Variants in ZRANB3 observed in about 807,000 individuals in gnomAD.
The protein encoded by ZRANB3 is DNA annealing helicase and endonuclease ZRANB3.
In ZRANB3, 125 loss-of-function variants were observed where a neutral mutation model predicts 133.8. The observed-to-expected ratio is 0.93, with a 90% CI of 0.81 to 1.08. ZRANB3 has a LOEUF of 1.08. Among genes scored for constraint, ZRANB3 ranks in the 50% least tolerant of loss-of-function variants. The pLI is 0.00. For missense variants in ZRANB3, 1,229 were observed against 1,275.5 expected, an observed-to-expected ratio of 0.96 and a Z score of 0.56; for synonymous variants, 387 against 432.7, an observed-to-expected ratio of 0.89 and a Z score of 1.31.
intron 2 of ZRANB3, among the ~76,000 whole-genome samples, chr2:135,417,614 T>C (rs1433358652): frequency 1.3e-5 from 2 of 152,220 alleles, no homozygotes; most frequent in South Asian, 2.1e-4. Flanking sequence ...TTACTGGGCA[T>C]ATACCCAAAG....
intron 20 of ZRANB3, among the ~76,000 whole-genome samples, chr2:135,201,215 A>C (rs1164016535): frequency 6.6e-6 from 1 of 152,204 alleles, no homozygotes; most frequent in East Asian, 1.9e-4. Context: ...AATTACAGAA[A>C]GGGCTGCATT....
intron 8 of ZRANB3, among the ~76,000 whole-genome samples, chr2:135,288,873 CGTGTGTGTGTGTGTGTGT>C (rs57200280): frequency 5.7e-5 from 8 of 141,296 alleles, no homozygotes; most frequent in Non-Finnish European, 9.4e-5. Context: ...CTTCATTTAT[CGTGTGTGTGTGTGTGTGT>C]GTGTGTGTGT....
At chr2:135,275,562 G>A in intron 9 of ZRANB3, 74 bp downstream of exon 9, 1 of 1,268,030 alleles carries the variant, frequency 7.9e-7, no homozygotes, top group Non-Finnish European at 1.0e-6. Flanking sequence ...CCTCAACTAT[G>A]AGACTACAAC....
At chr2:135,254,659 A>G (rs1679564139) in intron 12 of ZRANB3, among the ~76,000 whole-genome samples, 1 of 152,174 alleles carries the variant, frequency 6.6e-6, no homozygotes, top group South Asian at 2.1e-4. Context: ...TAATCCATAT[A>G]CCATAAAATT....
intron 2 of ZRANB3, among the ~76,000 whole-genome samples, chr2:135,462,229 C>G (rs1324509107): frequency 1.3e-5 from 2 of 152,182 alleles, no homozygotes; most frequent in African/African-American, 4.8e-5. Flanking sequence ...CACAACAAAT[C>G]TATCAGCTTA....
chr2:135,222,889 C>T (rs1694610851), intron 15 of ZRANB3, among the ~76,000 whole-genome samples: 1 of 150,838 alleles, frequency 6.6e-6, no homozygotes, highest in Non-Finnish European at 1.5e-5. Context: ...GGCGGGCGGA[C>T]TGTTTGAACC....
In ZRANB3 at chr2:135,509,078, A is replaced by G. The variant is rs116024893; in HGVS notation, c.-7-4582T>C. ...TTCTTCCAGAAATATTTTAATAAACATTGACCATTTCCAAGAAACACCCAC... is the reference window on the plus strand; with the variant it reads ...TTCTTCCAGAAATATTTTAATAAACGTTGACCATTTCCAAGAAACACCCAC... On this transcript the variant is annotated intron_variant, in intron 1 of 20. Transcript: ENST00000264159. Among the ~76,000 whole-genome samples, 1,486 of 152,244 alleles carry G rather than the reference A, an allele frequency of 9.8e-3. 23 individuals are homozygous for G. The highest frequency in any genetic ancestry group is 0.034 in the African/African-American group (1,417 of 41,564).
intron 6 of ZRANB3, among the ~76,000 whole-genome samples, chr2:135,342,718 G>T (rs183056847): frequency 6.7e-6 from 1 of 149,406 alleles, no homozygotes; most frequent in Non-Finnish European, 1.5e-5. Context: ...GTACAGGTAA[G>T]CTGTGGTAAT....
rs556006831 is a variant in ZRANB3, at chr2:135,234,207, A to G, written c.1540-3280T>C. ...CAAAAGAGACAAAGAAGGCCATTACATAATGGTAAAGGGATCAATTCAACA... is the reference window on the plus strand; with the variant it reads ...CAAAAGAGACAAAGAAGGCCATTACGTAATGGTAAAGGGATCAATTCAACA... On this transcript the variant is annotated intron_variant, in intron 12 of 20. Coordinates refer to ENST00000264159, the MANE Select transcript of ZRANB3 (RefSeq NM_032143.4). Among the ~76,000 whole-genome samples the G allele has an allele frequency of 8.5e-5, 13 of 152,358 alleles. 1 individual carries two copies. The South Asian group carries it at 2.7e-3, about 32-fold the overall frequency.
intron 8 of ZRANB3, among the ~76,000 whole-genome samples, chr2:135,294,089 T>G (rs1169330103): frequency 6.6e-6 from 1 of 152,240 alleles, no homozygotes. Context: ...GGCTTTGGTA[T>G]CAGGATGATG....
At chr2:135,475,078 T>C (rs1339388218) in intron 2 of ZRANB3, among the ~76,000 whole-genome samples, 1 of 152,212 alleles carries the variant, frequency 6.6e-6, no homozygotes, top group African/African-American at 2.4e-5. Context: ...CTGTTCTACC[T>C]TGCACTTCAT....
At chr2:135,272,413 G>GTTTTTTTTTTTTTTTTTTTTTT (rs1558877433) in intron 9 of ZRANB3, among the ~76,000 whole-genome samples, 5 of 109,904 alleles carry the variant, frequency 4.5e-5, no homozygotes, top group African/African-American at 2.9e-4. Context: ...GGAAAATAGA[G>GTTTTTTTTTTTTTTTTTTTTTT]CTTTTTTTTT....
intron 1 of ZRANB3, among the ~76,000 whole-genome samples, chr2:135,526,446 G>A (rs1694165904): frequency 6.6e-6 from 1 of 152,150 alleles, no homozygotes; most frequent in South Asian, 2.1e-4. Flanking sequence ...TTACAGGCGT[G>A]AGCCAATGAG....
At chr2:135,283,283 TCAAA>T (rs985204399) in intron 8 of ZRANB3, among the ~76,000 whole-genome samples, 2 of 150,938 alleles carry the variant, frequency 1.3e-5, no homozygotes, top group East Asian at 2.0e-4. Context: ...AGACCCTGTC[TCAAA>T]CAAACAAAAC....
intron 2 of ZRANB3, among the ~76,000 whole-genome samples, chr2:135,406,927 T>C (rs892362216): frequency 6.6e-6 from 1 of 152,134 alleles, no homozygotes. Flanking sequence ...AGGGATGCCC[T>C]CTCTCACCAC....
intron 2 of ZRANB3, among the ~76,000 whole-genome samples, chr2:135,502,928 C>T (rs550632045): frequency 3.7e-4 from 57 of 152,270 alleles, no homozygotes; most frequent in African/African-American, 1.3e-3. Flanking sequence ...ACACAAACTA[C>T]TAATACATGA....
intron 1 of ZRANB3, among the ~76,000 whole-genome samples, chr2:135,527,722 T>C (rs772154210): frequency 1.3e-5 from 2 of 152,184 alleles, no homozygotes; most frequent in African/African-American, 2.4e-5. Flanking sequence ...CTGGTATCTA[T>C]TCAGCCACAA....
At chr2:135,280,758 A>G (rs1681067408) in intron 8 of ZRANB3, among the ~76,000 whole-genome samples, 2 of 152,190 alleles carry the variant, frequency 1.3e-5, no homozygotes, top group Non-Finnish European at 2.9e-5. Flanking sequence ...AAGAAAGAAA[A>G]AAAAGAAAGA....
At position 135,353,560 on chromosome 2, in the gene ZRANB3, T is replaced by A. The variant is rs761356826; in HGVS notation, c.249A>T (p.Leu83Phe). Residue 83 changes from leucine to phenylalanine, a missense_variant, in exon 4 of 21, where the codon TTA becomes TTT. Physicochemically the swap from Leu to Phe is conservative, Grantham distance 22. Transcript: ENST00000264159. Reference sequence around the variant, plus strand: ...ACCTCAGAGACGAAGGGACCACTATTAACAGAGGCCATTCCTCTTTATAGA... The same window carrying A: ...ACCTCAGAGACGAAGGGACCACTATAAACAGAGGCCATTCCTCTTTATAGA... ...TYFYKEEWPL[L>F]IVVPSSLRYP... 1 of 1,608,970 alleles carries A rather than the reference T, an allele frequency of 6.2e-7. No individual in the cohort carries two copies. The highest frequency in any genetic ancestry group is 1.3e-5 in the African/African-American group (1 of 74,818).
Sources: gnomAD v4.1 joint callset for allele counts (sites outside exome capture counted in the v4.1 genomes callset) on GRCh38, gnomAD v4.1.1 for gene constraint, MANE v1.5 for transcripts, NCBI Gene and HGNC (gene_info 2026-07-23, HGNC 2026-07-21) for gene names.